Variants in GABRB1 observed in about 807,000 individuals in gnomAD.
The protein encoded by GABRB1 is gamma-aminobutyric acid receptor subunit beta-1.
In GABRB1, 17 loss-of-function variants were observed where a neutral mutation model predicts 51.6. The observed-to-expected ratio is 0.33, with a 90% CI of 0.23 to 0.49. GABRB1 has a LOEUF of 0.49. GABRB1 is among the 20% of genes least tolerant of loss of function. GABRB1 has a pLI of 0.99. For missense variants in GABRB1, 410 were observed against 600.6 expected (o/e 0.68, Z 3.32); for synonymous variants, 247 against 218.9 (o/e 1.13, Z -1.14).
intron 4 of GABRB1, among the ~76,000 whole-genome samples, chr4:47,246,299 T>TATATATATATATAC (rs1329276891): frequency 1.2e-5 from 1 of 84,170 alleles, no homozygotes; most frequent in Non-Finnish European, 2.3e-5. Flanking sequence ...TATATATATA[T>TATATATATATATAC]ACACACACAC....
intron 3 of GABRB1, among the ~76,000 whole-genome samples, chr4:47,059,583 T>C: frequency 6.6e-6 from 1 of 152,346 alleles, no homozygotes. Context: ...AATATTTTTA[T>C]GTAGTTGTAA....
intron 4 of GABRB1, among the ~76,000 whole-genome samples, chr4:47,228,430 A>G (rs1299087458): frequency 6.6e-6 from 1 of 152,124 alleles, no homozygotes; most frequent in African/African-American, 2.4e-5. Context: ...ATTGAAAGAA[A>G]AAAAAATGCT....
intron 3 of GABRB1, among the ~76,000 whole-genome samples, chr4:47,079,040 C>T (rs1176315307): frequency 1.3e-5 from 2 of 152,098 alleles, no homozygotes; most frequent in African/African-American, 4.8e-5. Context: ...ATTCTTGTGT[C>T]GATGTTCATC....
upstream of GABRB1, among the ~76,000 whole-genome samples, chr4:47,028,369 G>T (rs1326256609): frequency 6.6e-6 from 1 of 151,682 alleles, no homozygotes; most frequent in Admixed American, 6.6e-5. Flanking sequence ...GTACAATTAA[G>T]TTACTGACTA....
At chr4:47,326,295 C>T (rs1725261090) in intron 5 of GABRB1, among the ~76,000 whole-genome samples, 1 of 152,186 alleles carries the variant, frequency 6.6e-6, no homozygotes, top group African/African-American at 2.4e-5. Context: ...AGCTATGTCA[C>T]AGTGCCTACG....
At chr4:47,190,826 GTA>G (rs771033755) in intron 4 of GABRB1, among the ~76,000 whole-genome samples, 1 of 152,120 alleles carries the variant, frequency 6.6e-6, no homozygotes, top group Non-Finnish European at 1.5e-5. Flanking sequence ...GCACAGTTGA[GTA>G]TTCAGGCTTT....
intron 4 of GABRB1, among the ~76,000 whole-genome samples, chr4:47,268,841 G>A (rs1372614829): frequency 6.6e-6 from 1 of 152,110 alleles, no homozygotes; most frequent in African/African-American, 2.4e-5. Flanking sequence ...ACTAAAGGGA[G>A]GATACACTTT....
chr4:47,053,539 T>C (rs1012579862), intron 3 of GABRB1, among the ~76,000 whole-genome samples: 1 of 152,154 alleles, frequency 6.6e-6, no homozygotes, highest in Non-Finnish European at 1.5e-5. Flanking sequence ...TGCCATCACA[T>C]TGAGGGTTAG....
intron 4 of GABRB1, among the ~76,000 whole-genome samples, chr4:47,168,753 C>T (rs1266880951): frequency 6.6e-6 from 1 of 152,068 alleles, no homozygotes; most frequent in Non-Finnish European, 1.5e-5. Flanking sequence ...TAGCAAAGTA[C>T]CACAAACTGG....
intron 3 of GABRB1, among the ~76,000 whole-genome samples, chr4:47,123,375 A>T (rs1338549546): frequency 8.3e-6 from 1 of 121,114 alleles, no homozygotes; most frequent in Non-Finnish European, 1.6e-5. Flanking sequence ...TACTTTAGAT[A>T]TTATATTTTA....
In GABRB1 at chr4:47,171,107, T is replaced by G. The variant is rs557719170; in HGVS notation, c.461+9638T>G. Among the ~76,000 whole-genome samples the G allele has an allele frequency of 2.0e-5, 3 of 152,258 alleles. No individual in the cohort carries two copies. The East Asian group carries it at 5.8e-4, about 29-fold the overall frequency. On this transcript the variant is annotated intron_variant, in intron 4 of 8. Coordinates refer to ENST00000295454, the MANE Select transcript of GABRB1 (RefSeq NM_000812.4). The stretch of plus-strand genomic sequence containing the variant: ...AATTATGCAGTTATTACAGCTATTG[T>G]GTGAGTATGTTATTTGTGGATGTAT...
chr4:47,215,147 C>T (rs1400467213), intron 4 of GABRB1, among the ~76,000 whole-genome samples: 1 of 152,094 alleles, frequency 6.6e-6, no homozygotes, highest in Non-Finnish European at 1.5e-5. Flanking sequence ...GTTATTGACT[C>T]TTCTTCATGG....
chr4:47,211,631 T>C (rs964416217), intron 4 of GABRB1, among the ~76,000 whole-genome samples: 6 of 152,168 alleles, frequency 3.9e-5, no homozygotes, highest in African/African-American at 1.4e-4. Context: ...CTGTAACAAA[T>C]TACCCCAAAC....
intron 3 of GABRB1, among the ~76,000 whole-genome samples, chr4:47,110,466 A>C (rs1373138595): frequency 6.6e-6 from 1 of 152,178 alleles, no homozygotes; most frequent in Admixed American, 6.5e-5. Flanking sequence ...TTTTGAATAA[A>C]GTTATATTTG....
chr4:47,082,403 T>C (rs1727888312), intron 3 of GABRB1, among the ~76,000 whole-genome samples: 1 of 152,086 alleles, frequency 6.6e-6, no homozygotes, highest in Non-Finnish European at 1.5e-5. Context: ...AATGAATAGA[T>C]GTTATAAAGG....
intron 4 of GABRB1, among the ~76,000 whole-genome samples, chr4:47,228,370 A>G (rs777232236): frequency 1.3e-5 from 2 of 152,140 alleles, no homozygotes; most frequent in Admixed American, 1.3e-4. Context: ...GAAATCAGAA[A>G]GAAGAAAGAG....
chr4:47,389,650 C>G (rs1727919763), intron 5 of GABRB1, among the ~76,000 whole-genome samples: 2 of 152,126 alleles, frequency 1.3e-5, no homozygotes. Flanking sequence ...CATGGAGATA[C>G]AAAGTTCCAT....
intron 5 of GABRB1, among the ~76,000 whole-genome samples, chr4:47,358,054 A>T (rs577255254): frequency 9.2e-5 from 14 of 152,262 alleles, no homozygotes; most frequent in African/African-American, 3.4e-4. Context: ...CATTTTGCAG[A>T]TATGGACACT....
intron 4 of GABRB1, among the ~76,000 whole-genome samples, chr4:47,165,451 T>C (rs1718142260): frequency 6.6e-6 from 1 of 152,082 alleles, no homozygotes; most frequent in Non-Finnish European, 1.5e-5. Flanking sequence ...CCATCCATGC[T>C]ACTTTCCTAT....
Sources: allele counts gnomAD v4.1 joint callset (sites outside exome capture counted in the v4.1 genomes callset), GRCh38; gene constraint gnomAD v4.1.1; transcripts MANE v1.5; gene names NCBI Gene and HGNC (gene_info 2026-07-23, HGNC 2026-07-21).